The following SHISA9 variants were observed in gnomAD, a reference collection of about 807,000 sequenced individuals.
SHISA9 encodes protein shisa-9.
In SHISA9, 13 loss-of-function variants were observed where a neutral mutation model predicts 38.0. The ratio of observed to expected loss-of-function variants is 0.34; its 90% CI spans 0.22 to 0.54. The LOEUF (loss-of-function observed/expected upper bound fraction) is 0.54. SHISA9 is among the 20% of genes least tolerant of loss of function. The pLI, the probability that SHISA9 is intolerant of heterozygous loss-of-function variation, is 0.91. For missense variants in SHISA9, 538 were observed against 575.8 expected (o/e 0.93, Z 0.67); for synonymous variants, 275 against 242.0 (o/e 1.14, Z -1.27).
intron 2 of SHISA9, among the ~76,000 whole-genome samples, chr16:12,979,662 A>T (rs1475692961): frequency 6.6e-6 from 1 of 151,622 alleles, no homozygotes; most frequent in Non-Finnish European, 1.5e-5. Context: ...TATCCTTTGG[A>T]ATTTTCTTTT....
chr16:13,384,531 G>T, the SHISA9 span, among the ~76,000 whole-genome samples: 34 of 152,256 alleles, frequency 2.2e-4, no homozygotes, highest in African/African-American at 8.2e-4. Context: ...AAGAGCAATG[G>T]TATCCATTTT....
At chr16:12,959,554 A>G (rs2071881370) in intron 2 of SHISA9, among the ~76,000 whole-genome samples, 1 of 152,158 alleles carries the variant, frequency 6.6e-6, no homozygotes, top group Admixed American at 6.5e-5. Flanking sequence ...CTCGAGAAAA[A>G]ACAGAGCTCA....
chr16:13,505,342 C>T, the SHISA9 span, among the ~76,000 whole-genome samples: 2 of 152,198 alleles, frequency 1.3e-5, no homozygotes, highest in Admixed American at 1.3e-4. Flanking sequence ...CTGGGGGCTT[C>T]GTATATTCTT....
intron 2 of SHISA9, among the ~76,000 whole-genome samples, chr16:13,009,906 G>A (rs2072648948): frequency 6.6e-6 from 1 of 152,204 alleles, no homozygotes; most frequent in Non-Finnish European, 1.5e-5. Context: ...GCCAGGCATA[G>A]TGGCTCACAC....
At chr16:13,420,288 C>A in the SHISA9 span, among the ~76,000 whole-genome samples, 3 of 126,416 alleles carry the variant, frequency 2.4e-5, no homozygotes, top group Non-Finnish European at 4.9e-5. Flanking sequence ...TTTTGCTCAG[C>A]AGGCGTTTAC....
At chr16:13,042,639 G>T (rs62028893) in intron 2 of SHISA9, among the ~76,000 whole-genome samples, 2,437 of 152,196 alleles carry the variant, frequency 0.016, 30 homozygotes, top group Non-Finnish European at 0.025. Flanking sequence ...AATGTTTGTG[G>T]GTACTAAAAT....
At chr16:13,497,302 T>A in the SHISA9 span, among the ~76,000 whole-genome samples, 1 of 152,222 alleles carries the variant, frequency 6.6e-6, no homozygotes, top group Non-Finnish European at 1.5e-5. Context: ...ATGTTTACAA[T>A]GTGGAATGAT....
the SHISA9 span, among the ~76,000 whole-genome samples, chr16:13,507,994 T>C: frequency 6.6e-6 from 1 of 152,316 alleles, no homozygotes; most frequent in African/African-American, 2.4e-5. Flanking sequence ...GAAAACACAA[T>C]TGTTTCTGGT....
chr16:12,951,566 C>A (rs2071757696), intron 2 of SHISA9, among the ~76,000 whole-genome samples: 1 of 152,092 alleles, frequency 6.6e-6, no homozygotes, highest in African/African-American at 2.4e-5. Context: ...TCACTGACCT[C>A]TGCTGTAGAA....
the SHISA9 span, among the ~76,000 whole-genome samples, chr16:13,535,824 A>G: frequency 6.6e-6 from 1 of 152,142 alleles, no homozygotes; most frequent in Non-Finnish European, 1.5e-5. Context: ...TTGTTCCATC[A>G]TATTTGCAAT....
chr16:12,959,719 A>T (rs28715956), intron 2 of SHISA9, among the ~76,000 whole-genome samples: 29,311 of 152,106 alleles, frequency 0.19, 3,479 homozygotes, highest in Middle Eastern at 0.35. Context: ...TTGAACTGCC[A>T]TGCTCGAGAT....
the SHISA9 span, among the ~76,000 whole-genome samples, chr16:13,365,659 A>C: frequency 6.6e-6 from 1 of 151,846 alleles, no homozygotes; most frequent in Non-Finnish European, 1.5e-5. Flanking sequence ...GGTTTTCACT[A>C]TGTTGGCCAG....
chr16:13,013,708 G>A (rs2141855029), intron 2 of SHISA9, among the ~76,000 whole-genome samples: 1 of 152,242 alleles, frequency 6.6e-6, no homozygotes, highest in Non-Finnish European at 1.5e-5. Flanking sequence ...GGTTAATGTG[G>A]TCAAACAAGG....
Position 13,235,183 on chromosome 16 carries a change from C to T in SHISA9, c.1049C>T (p.Ser350Phe). Residue 350 changes from serine (S) to phenylalanine (F), a missense_variant, in exon 5 of 5, where the codon TCC (serine) becomes TTC (phenylalanine). Physicochemically the swap from Ser to Phe is radical, Grantham distance 155 (BLOSUM62 -2). Coordinates refer to ENST00000558583, the MANE Select transcript of SHISA9 (RefSeq NM_001145204.3). ...CCTGCCAAGCAGAATGGACAGAAGT[C>T]CCGCACCAACAAGATGCCCCCACAT... ...HGPAKQNGQKSRTNKMPPHPL... is the reference protein window; with the variant it reads ...HGPAKQNGQKFRTNKMPPHPL... The T allele has an allele frequency of 6.4e-7, 1 of 1,551,774 alleles. No homozygotes were observed. Among genetic ancestry groups the T allele is most frequent in the Non-Finnish European group, 8.7e-7 (1 of 1,147,018 alleles).
the SHISA9 span, among the ~76,000 whole-genome samples, chr16:13,490,493 A>G: frequency 6.6e-6 from 1 of 152,206 alleles, no homozygotes; most frequent in Non-Finnish European, 1.5e-5. Context: ...TGAGCCCGTG[A>G]GGTCAAGGCT....
At chr16:13,139,218 C>G (rs2050376246) in intron 2 of SHISA9, among the ~76,000 whole-genome samples, 2 of 150,252 alleles carry the variant, frequency 1.3e-5, no homozygotes, top group Admixed American at 6.6e-5. Flanking sequence ...CCTCCCTTCC[C>G]TCACTCCCTT....
intron 2 of SHISA9, among the ~76,000 whole-genome samples, chr16:13,181,655 G>A (rs2050780599): frequency 6.6e-6 from 1 of 152,018 alleles, no homozygotes; most frequent in South Asian, 2.1e-4. Flanking sequence ...AGATTACCCT[G>A]ACTTGTGAGT....
rs533133336 is a variant in SHISA9, at chr16:12,978,694, G to A, written c.691+61879G>A. Among the ~76,000 whole-genome samples, 16 of 152,294 alleles carry A rather than the reference G, an allele frequency of 1.1e-4. No individual in the cohort carries two copies. In the South Asian group the frequency reaches 2.7e-3, roughly 26 times the overall value. On this transcript the variant is annotated intron_variant, in intron 2 of 4. Transcript: ENST00000558583. ...GATGAGGAGATGGCTTGACATCATC[G>A]TAGACCATTTGGTTTCTGTGTTTAA...
chr16:13,050,485 C>G (rs2073238729), intron 2 of SHISA9, among the ~76,000 whole-genome samples: 1 of 152,106 alleles, frequency 6.6e-6, no homozygotes, highest in South Asian at 2.1e-4. Context: ...GTGGACACCA[C>G]CACACCTGGC....
Sources: allele counts gnomAD v4.1 joint callset (sites outside exome capture counted in the v4.1 genomes callset), GRCh38; gene constraint gnomAD v4.1.1; transcripts MANE v1.5; gene names NCBI Gene and HGNC (gene_info 2026-07-23, HGNC 2026-07-21).